UBA2: variants seen among roughly 807,000 people sequenced by gnomAD.
The protein encoded by UBA2 is SUMO-activating enzyme subunit 2.
Under a neutral mutation model 77.2 loss-of-function variants are expected in UBA2, and 11 were observed. That is an observed-to-expected ratio of 0.14 (90% CI 0.09 to 0.24). The LOEUF is 0.24. UBA2 is among the 10% of genes least tolerant of loss of function. The pLI, the probability that UBA2 is intolerant of heterozygous loss-of-function variation, is 1.00. For missense variants in UBA2, 487 were observed against 781.7 expected, an observed-to-expected ratio of 0.62 and a Z score of 4.50; for synonymous variants, 278 against 276.7, an observed-to-expected ratio of 1.00 and a Z score of -0.05.
At chr19:34,444,549 G>A (rs1044961069) in intron 7 of UBA2, among the ~76,000 whole-genome samples, 2 of 152,146 alleles carry the variant, frequency 1.3e-5, no homozygotes, top group African/African-American at 2.4e-5. Flanking sequence ...GCTCACGCCC[G>A]TAGTCCCAGC....
intron 10 of UBA2, among the ~76,000 whole-genome samples, chr19:34,452,695 A>G (rs967821770): frequency 3.3e-5 from 5 of 152,174 alleles, no homozygotes; most frequent in African/African-American, 1.2e-4. Context: ...TTTAATTGTA[A>G]TCAGTATTTT....
intron 10 of UBA2, among the ~76,000 whole-genome samples, chr19:34,452,534 A>C (rs1347909955): frequency 2.0e-5 from 3 of 152,218 alleles, no homozygotes; most frequent in Non-Finnish European, 4.4e-5. Context: ...TTTGAATTGA[A>C]ATAGTTATTA....
intron 15 of UBA2, among the ~76,000 whole-genome samples, chr19:34,466,518 T>C (rs2075689915): frequency 6.6e-6 from 1 of 152,204 alleles, no homozygotes; most frequent in South Asian, 2.1e-4. Context: ...TTGCCCTGAT[T>C]TGAAAGTGCA....
At chr19:34,454,656 T>C (rs887684134) in intron 12 of UBA2, 100 bp downstream of exon 12, 1 of 635,848 alleles carries the variant, frequency 1.6e-6, no homozygotes, top group African/African-American at 1.9e-5. Context: ...ACAATAAAAT[T>C]GGTTTAAAGC....
At chr19:34,447,301 T>C (rs553228874) in intron 8 of UBA2, among the ~76,000 whole-genome samples, 2 of 152,172 alleles carry the variant, frequency 1.3e-5, no homozygotes, top group Non-Finnish European at 2.9e-5. Flanking sequence ...CTTTTCCCAG[T>C]CCACTGACTC....
chr19:34,428,708 G>C, intron 1 of UBA2, 138 bp downstream of exon 1: 1 of 1,180,776 alleles, frequency 8.5e-7, no homozygotes, highest in South Asian at 4.3e-5. Flanking sequence ...CAGGCTGAGA[G>C]GCTCGGGTTG....
At chr19:34,457,069 G>T (rs990219268) in intron 12 of UBA2, among the ~76,000 whole-genome samples, 4 of 148,502 alleles carry the variant, frequency 2.7e-5, no homozygotes, top group African/African-American at 9.9e-5. Flanking sequence ...TGGCTCACAC[G>T]TGTAATCCCA....
At chr19:34,468,051 C>G (rs1346588898) in intron 16 of UBA2, among the ~76,000 whole-genome samples, 1 of 152,112 alleles carries the variant, frequency 6.6e-6, no homozygotes, top group East Asian at 1.9e-4. Context: ...AGTCCTTTCC[C>G]CTGGATTTTC....
chr19:34,460,881 T>C (rs1270808357), intron 14 of UBA2, among the ~76,000 whole-genome samples: 1 of 152,210 alleles, frequency 6.6e-6, no homozygotes, highest in Non-Finnish European at 1.5e-5. Context: ...TGGGTAGGGT[T>C]CTAAGGCATT....
chr19:34,435,098 A>G, intron 5 of UBA2, 130 bp downstream of exon 5: 1 of 675,866 alleles, frequency 1.5e-6, no homozygotes, highest in Non-Finnish European at 2.5e-6. Flanking sequence ...TTATGCTTAT[A>G]TAAAACTTAA....
chr19:34,464,008 ATTATTCACG>A lies in UBA2; in HGVS notation c.1499-15_1499-7del. ...ATGAAGATGTAACTGAAGTATCTAA[ATTATTCACG>A]TTTCCTAGCTAATAATCACAAGAAG... On this transcript the variant is annotated splice_polypyrimidine_tract_variant and intron_variant, in intron 14 of 16. Coordinates refer to ENST00000246548, the MANE Select transcript of UBA2 (RefSeq NM_005499.3). 4 of 1,558,822 alleles carry A rather than the reference ATTATTCACG, an allele frequency of 2.6e-6. No homozygotes were observed. Among genetic ancestry groups the A allele is most frequent in the Non-Finnish European group, 3.5e-6 (4 of 1,129,796 alleles).
intron 6 of UBA2, among the ~76,000 whole-genome samples, chr19:34,439,898 G>C (rs2075349826): frequency 6.6e-6 from 1 of 152,034 alleles, no homozygotes; most frequent in South Asian, 2.1e-4. Context: ...CAAAATAGAA[G>C]AGGAGTAAGT....
chr19:34,454,631 AT>A, intron 12 of UBA2, 75 bp downstream of exon 12: 1 of 718,376 alleles, frequency 1.4e-6, no homozygotes, highest in Non-Finnish European at 2.1e-6. Flanking sequence ...TAAACAGATA[AT>A]TTTTAAAATG....
intron 14 of UBA2, among the ~76,000 whole-genome samples, chr19:34,463,670 TCA>T (rs747976785): frequency 4.6e-5 from 7 of 152,102 alleles, no homozygotes; most frequent in Non-Finnish European, 1.0e-4. Context: ...AGTGGTACAG[TCA>T]CACGCCTCAC....
intron 1 of UBA2, among the ~76,000 whole-genome samples, chr19:34,429,894 TA>T (rs1206610684): frequency 6.6e-6 from 1 of 151,974 alleles, no homozygotes; most frequent in African/African-American, 2.4e-5. Flanking sequence ...CTTGAAAGAG[TA>T]ATTCGATTGA....
chr19:34,445,181 T>A, intron 8 of UBA2, 60 bp downstream of exon 8: 1 of 1,513,450 alleles, frequency 6.6e-7, no homozygotes, highest in Non-Finnish European at 8.9e-7. Context: ...GATGTATTGT[T>A]CTAGTTCTGC....
intron 6 of UBA2, among the ~76,000 whole-genome samples, chr19:34,442,671 T>C (rs2075383420): frequency 6.6e-6 from 1 of 152,038 alleles, no homozygotes; most frequent in Admixed American, 6.6e-5. Flanking sequence ...CTTCGGTTGA[T>C]CCACCCGCCT....
In UBA2 at chr19:34,443,669, T is replaced by A. The variant is rs554452536; in HGVS notation, c.582-175T>A. Among the ~76,000 whole-genome samples the A allele has an allele frequency of 5.3e-5, 8 of 152,276 alleles. No homozygotes were observed. The South Asian group carries it at 1.4e-3, about 28-fold the overall frequency. On this transcript the variant is annotated intron_variant, in intron 6 of 16. Coordinates refer to ENST00000246548, the MANE Select transcript of UBA2 (RefSeq NM_005499.3). ...GTTGGTCAGGCTGGTCTCGAACTCC[T>A]GACTTTGTGATCTGCCTGCCTCAGC...
chr19:34,469,544 A>G lies in UBA2; in HGVS notation c.*323A>G, dbSNP rs532189836. 1 of 160,850 alleles carries G rather than the reference A, an allele frequency of 6.2e-6. No homozygotes were observed. Among genetic ancestry groups the G allele is most frequent in the East Asian group, 1.7e-4 (1 of 5,754 alleles). 10.0% of individuals were successfully genotyped at this position (160,850 alleles called of 1,614,324 possible). Reference sequence around the variant, plus strand: ...GTTTCAAAATATTGTGGTTTAGTAAAGTTGATACCTGGTTATAAATATTAT... The same window carrying G: ...GTTTCAAAATATTGTGGTTTAGTAAGGTTGATACCTGGTTATAAATATTAT... On this transcript the variant is annotated 3_prime_UTR_variant, in exon 17 of 17. Coordinates refer to ENST00000246548, the MANE Select transcript of UBA2 (RefSeq NM_005499.3).
Sources: allele counts gnomAD v4.1 joint callset (sites outside exome capture counted in the v4.1 genomes callset), GRCh38; gene constraint gnomAD v4.1.1; transcripts MANE v1.5; gene names NCBI Gene and HGNC (gene_info 2026-07-23, HGNC 2026-07-21).